PNOC: variants seen among roughly 807,000 people sequenced by gnomAD.
PNOC encodes the protein prepronociceptin, also known as nociceptin.
PNOC carries 10 observed loss-of-function variants against 15.6 expected under a neutral mutation model. The observed-to-expected ratio is 0.64, with a 90% CI of 0.40 to 1.09. The LOEUF (loss-of-function observed/expected upper bound fraction) is 1.09. Ranked by LOEUF, PNOC falls within the 50% of genes least tolerant of loss-of-function variation. The pLI is 0.01. For missense variants in PNOC, 220 were observed against 223.9 expected, an observed-to-expected ratio of 0.98 and a Z score of 0.11; for synonymous variants, 98 against 88.5, an observed-to-expected ratio of 1.11 and a Z score of -0.60.
chr8:28,328,376 C>A (rs1386258098), intron 1 of PNOC, among the ~76,000 whole-genome samples: 2 of 152,226 alleles, frequency 1.3e-5, no homozygotes, highest in African/African-American at 4.8e-5. Context: ...CTGTGCCTGG[C>A]CCAAAGATCC....
At chr8:28,328,180 G>A (rs946824968) in intron 1 of PNOC, among the ~76,000 whole-genome samples, 35 of 144,450 alleles carry the variant, frequency 2.4e-4, no homozygotes, top group Middle Eastern at 7.4e-3. Context: ...CAATACTCTC[G>A]CCTCAGCCTC....
chr8:28,339,114 G>C lies in PNOC; in HGVS notation c.201G>C (p.Arg67Ser). Residue 67 changes from arginine to serine, a missense_variant, in exon 3 of 4, where the codon AGG (arginine) becomes AGC (serine). Transcript: ENST00000301908. ...CTCCATGCACCAAGGTCATGGCCAGGAGCTCTTGGCAGCTCAGCCCTGCCG... is the reference window on the plus strand; with the variant it reads ...CTCCATGCACCAAGGTCATGGCCAGCAGCTCTTGGCAGCTCAGCCCTGCCG... Reference protein sequence around the residue: ...LWTPCTKVMARSSWQLSPAAP... With the variant: ...LWTPCTKVMASSSWQLSPAAP... The C allele has an allele frequency of 1.9e-6, 3 of 1,610,146 alleles. No individual in the cohort carries two copies. Among genetic ancestry groups the C allele is most frequent in the Non-Finnish European group, 2.5e-6 (3 of 1,176,612 alleles).
chr8:28,321,792 TGCTGG>T, intron 1 of PNOC, among the ~76,000 whole-genome samples: 1 of 152,310 alleles, frequency 6.6e-6, no homozygotes, highest in East Asian at 1.9e-4. Context: ...GCTTGACCTG[TGCTGG>T]GCTGGGCAAT....
intron 1 of PNOC, among the ~76,000 whole-genome samples, chr8:28,319,800 C>T (rs1023173798): frequency 2.6e-5 from 4 of 152,166 alleles, no homozygotes; most frequent in South Asian, 2.1e-4. Flanking sequence ...AGGAAAGGGA[C>T]GGGCCCTTCT....
At chr8:28,335,426 G>T (rs370477268) in intron 2 of PNOC, among the ~76,000 whole-genome samples, 2 of 152,188 alleles carry the variant, frequency 1.3e-5, no homozygotes, top group African/African-American at 2.4e-5. Flanking sequence ...GGCAAATATC[G>T]GAATTACCTG....
At chr8:28,329,587 G>A (rs1397170577) in intron 2 of PNOC, among the ~76,000 whole-genome samples, 1 of 152,156 alleles carries the variant, frequency 6.6e-6, no homozygotes, top group Non-Finnish European at 1.5e-5. Context: ...TATAAAACAA[G>A]AGAAATTTAA....
At chr8:28,341,527 T>C (rs1418440008) in intron 3 of PNOC, among the ~76,000 whole-genome samples, 1 of 152,248 alleles carries the variant, frequency 6.6e-6, no homozygotes, top group Non-Finnish European at 1.5e-5. Context: ...TTCTGAACGA[T>C]GGCAATGTTC....
chr8:28,333,680 C>A (rs1360256580), intron 2 of PNOC, among the ~76,000 whole-genome samples: 1 of 152,192 alleles, frequency 6.6e-6, no homozygotes, highest in Non-Finnish European at 1.5e-5. Context: ...CTGACTGACA[C>A]AAAATCTAAT....
At chr8:28,338,801 C>T in intron 2 of PNOC, 1 of 1,165,536 alleles carries the variant, frequency 8.6e-7, no homozygotes, top group Non-Finnish European at 1.1e-6. Flanking sequence ...AAGTTACGCT[C>T]ACCTCTCTGA....
At chr8:28,342,179 T>C (rs1400195109) in intron 3 of PNOC, among the ~76,000 whole-genome samples, 3 of 151,994 alleles carry the variant, frequency 2.0e-5, no homozygotes, top group African/African-American at 7.2e-5. Flanking sequence ...AACCCGTCTC[T>C]ACTAAAAATA....
Position 28,343,035 on chromosome 8 carries a change from C to A in PNOC, c.*141C>A. The A allele has an allele frequency of 1.0e-6, 1 of 982,324 alleles. No individual in the cohort carries two copies. The highest frequency in any genetic ancestry group is 1.2e-6 in the Non-Finnish European group (1 of 826,990). 60.9% of individuals were successfully genotyped at this position (982,324 alleles called of 1,614,324 possible). On this transcript the variant is annotated 3_prime_UTR_variant, in exon 4 of 4. Coordinates refer to ENST00000301908, the MANE Select transcript of PNOC (RefSeq NM_006228.5). The stretch of plus-strand genomic sequence containing the variant: ...TCTTCCCCAAGGCACTGAGCGCCTG[C>A]AGATCCCGCAGGCTTCGTTTGCCTC...
chr8:28,325,664 AAGAAAAAGAAAAAAAAAAAAAAG>A, intron 1 of PNOC, among the ~76,000 whole-genome samples: 1 of 116,796 alleles, frequency 8.6e-6, no homozygotes, highest in East Asian at 2.0e-4. Context: ...AAAAAAAAAA[AAGAAAAAGAAAAAAAAAAAAAAG>A]AAAGACATTA....
intron 2 of PNOC, among the ~76,000 whole-genome samples, chr8:28,329,758 T>C (rs1016335824): frequency 1.3e-5 from 2 of 151,988 alleles, no homozygotes; most frequent in African/African-American, 4.8e-5. Context: ...CAACTAACCA[T>C]GGATAGAAAA....
At chr8:28,330,396 A>ATTTTTTT (rs67554549) in intron 2 of PNOC, among the ~76,000 whole-genome samples, 5 of 80,416 alleles carry the variant, frequency 6.2e-5, no homozygotes, top group African/African-American at 1.2e-4. Context: ...ATTTTATTTT[A>ATTTTTTT]TTTTTTTTTT....
At chr8:28,336,387 A>C (rs1430675784) in intron 2 of PNOC, among the ~76,000 whole-genome samples, 1 of 152,214 alleles carries the variant, frequency 6.6e-6, no homozygotes, top group Admixed American at 6.5e-5. Context: ...TTGCCAGGGA[A>C]CTAGAAGTTA....
rs188942552 is a variant in PNOC at position 28,323,771 on chromosome 8, T to A, written c.-23-5364T>A. 2.0e-3 allele frequency among the ~76,000 whole-genome samples: 300 copies of A among 152,358 alleles called. 3 individuals are homozygous for A. Among genetic ancestry groups the A allele is most frequent in the Non-Finnish European group, 2.7e-3 (181 of 68,040 alleles). ...TCTACTGAGTTTTCAAAGTTCAAAATCTGATTTAACCTAGAACACAGTTGT... is the reference window on the plus strand; with the variant it reads ...TCTACTGAGTTTTCAAAGTTCAAAAACTGATTTAACCTAGAACACAGTTGT... On this transcript the variant is annotated intron_variant, in intron 1 of 3. Transcript: ENST00000301908.
rs752580573 is a variant in PNOC at position 28,329,280 on chromosome 8, G to A, written c.123G>A (p.Leu41=). 1.9e-6 allele frequency: 3 copies of A among 1,613,142 alleles called. No individual in the cohort carries two copies. In the African/African-American group the frequency reaches 4.0e-5, roughly 22 times the overall value. ...KLHPALDSFD[L]EVCILECEEK... ...ACCCAGCCCTGGACAGCTTCGACCT[G>A]GAGGTAGGTCTCCAAGGCAAGGCAG... is the stretch of plus-strand genomic sequence containing the variant. The change falls in exon 2 of 4, where the codon CTG becomes CTA. Residue 41 remains leucine, a synonymous_variant. Coordinates refer to ENST00000301908, the MANE Select transcript of PNOC (RefSeq NM_006228.5).
In PNOC at chr8:28,339,167, A is replaced by G; in HGVS notation, c.254A>G (p.Tyr85Cys). 6.2e-7 allele frequency: 1 copy of G among 1,613,126 alleles called. No homozygotes were observed. The highest frequency in any genetic ancestry group is 8.5e-7 in the Non-Finnish European group (1 of 1,179,556). Reference protein sequence around the residue: ...AAPEHVAAALYQPRASEMQHL... With the variant: ...AAPEHVAAALCQPRASEMQHL... ...CCAGAGCATGTGGCGGCTGCTCTCT[A>G]CCAGCCGAGAGCTTCGGAGATGCAG... The change falls in exon 3 of 4, where the codon TAC (tyrosine) becomes TGC (cysteine). Residue 85 changes from tyrosine (Y) to cysteine (C), a missense_variant. Tyr to Cys is a radical substitution (Grantham distance 194). Coordinates refer to ENST00000301908, the MANE Select transcript of PNOC (RefSeq NM_006228.5).
At chr8:28,334,526 G>A (rs79608624) in intron 2 of PNOC, among the ~76,000 whole-genome samples, 9 of 151,792 alleles carry the variant, frequency 5.9e-5, no homozygotes, top group Admixed American at 2.6e-4. Context: ...AGACAGTCCC[G>A]TTCTGTCACC....
Sources: gnomAD v4.1 joint callset for allele counts (sites outside exome capture counted in the v4.1 genomes callset) on GRCh38, gnomAD v4.1.1 for gene constraint, MANE v1.5 for transcripts, NCBI Gene and HGNC (gene_info 2026-07-23, HGNC 2026-07-21) for gene names.